DOCK2: variants seen among roughly 807,000 people sequenced by gnomAD.
The protein encoded by DOCK2 is dedicator of cytokinesis 2, also known as dedicator of cytokinesis protein 2.
DOCK2 carries 87 observed loss-of-function variants against 248.9 expected under a neutral mutation model. That is an observed-to-expected ratio of 0.35 (90% CI 0.29 to 0.42). The LOEUF is 0.42. DOCK2 is among the 10% of genes least tolerant of loss of function. The pLI, the probability that DOCK2 is intolerant of heterozygous loss-of-function variation, is 1.00. For synonymous variants in DOCK2, 805 were observed against 821.6 expected, an observed-to-expected ratio of 0.98 and a Z score of 0.35; for missense variants, 1,747 against 2,300.2, an observed-to-expected ratio of 0.76 and a Z score of 4.92.
chr5:170,059,694 A>G (rs1757261600), intron 44 of DOCK2, among the ~76,000 whole-genome samples: 1 of 152,248 alleles, frequency 6.6e-6, no homozygotes. Flanking sequence ...AAGTGCTAAG[A>G]ATAGTCCCTG....
chr5:169,839,040 G>T (rs370415776), intron 26 of DOCK2, among the ~76,000 whole-genome samples: 1 of 152,150 alleles, frequency 6.6e-6, no homozygotes, highest in African/African-American at 2.4e-5. Context: ...TAAGTTTAAT[G>T]CGGTAAAGCT....
rs1033406165 is a variant in DOCK2, at chr5:169,761,872, T to C, written c.2554+247T>C. 2.6e-5 allele frequency among the ~76,000 whole-genome samples: 4 copies of C among 152,214 alleles called. No individual in the cohort carries two copies. The East Asian group carries it at 7.7e-4, about 29-fold the overall frequency. On this transcript the variant is annotated intron_variant, in intron 25 of 51. Coordinates refer to ENST00000520908, the MANE Select transcript of DOCK2 (RefSeq NM_004946.3). ...CTCTTGAGAAAGTTTAATGAGGTTT[T>C]TTTTTCCCCCTGTATGGTTTATTAT...
intron 27 of DOCK2, among the ~76,000 whole-genome samples, chr5:169,977,890 A>G (rs1777772583): frequency 6.6e-6 from 1 of 152,190 alleles, no homozygotes; most frequent in Admixed American, 6.5e-5. Context: ...CCCACCACAC[A>G]GACAGCACCA....
At chr5:169,768,771 C>G (rs1051339716) in intron 25 of DOCK2, among the ~76,000 whole-genome samples, 2 of 152,228 alleles carry the variant, frequency 1.3e-5, no homozygotes, top group East Asian at 1.9e-4. Flanking sequence ...AGGATGTGCT[C>G]TAGCCTCATA....
At chr5:169,730,645 A>C (rs1407843814) in intron 22 of DOCK2, among the ~76,000 whole-genome samples, 2 of 152,118 alleles carry the variant, frequency 1.3e-5, no homozygotes, top group Admixed American at 1.3e-4. Flanking sequence ...TAGGACATAA[A>C]CTGTCCATTC....
chr5:169,876,031 C>G (rs1201150706), intron 27 of DOCK2, among the ~76,000 whole-genome samples: 2 of 152,212 alleles, frequency 1.3e-5, no homozygotes, highest in Non-Finnish European at 2.9e-5. Context: ...TCTGGAGGCT[C>G]TAGGAGAGAA....
rs1436533627 is a variant in DOCK2 at position 169,840,984 on chromosome 5, T to A, written c.2799+132T>A. 6 of 990,712 alleles carry A rather than the reference T, an allele frequency of 6.1e-6. No individual in the cohort carries two copies. In the East Asian group the frequency reaches 1.6e-4, roughly 26 times the overall value. 61.4% of individuals were successfully genotyped at this position (990,712 alleles called of 1,614,324 possible). A position where few individuals can be genotyped will look rare whatever the true frequency, so the allele number is the denominator to read the frequency against. Reference sequence around the variant, plus strand: ...TTGTTTTGGAGTAGGGTGACCAGATTTTTCCTGTCTGAGTTGGGAGGACTT... The same window carrying A: ...TTGTTTTGGAGTAGGGTGACCAGATATTTCCTGTCTGAGTTGGGAGGACTT... On this transcript the variant is annotated intron_variant, in intron 27 of 51. Transcript: ENST00000520908.
At position 169,654,348 on chromosome 5, in the gene DOCK2, A is replaced by G. The variant is rs1026741262; in HGVS notation, c.44-55A>G. 84 of 1,594,796 alleles carry G rather than the reference A, an allele frequency of 5.3e-5. No homozygotes were observed. The East Asian group carries it at 1.9e-3, about 36-fold the overall frequency. ...TGAGGCAGGGAAAGCAGGAAGGAGC[A>G]GAGACTAATGAGATCTAGAGGTCTC... On this transcript the variant is annotated intron_variant, in intron 1 of 51. Coordinates refer to ENST00000520908, the MANE Select transcript of DOCK2 (RefSeq NM_004946.3).
chr5:169,739,538 A>G (rs1763204350), intron 22 of DOCK2, among the ~76,000 whole-genome samples: 1 of 152,244 alleles, frequency 6.6e-6, no homozygotes, highest in African/African-American at 2.4e-5. Flanking sequence ...ATAAGTGTAT[A>G]TAATGGGCAT....
chr5:170,006,040 C>T (rs1755023371), intron 30 of DOCK2, among the ~76,000 whole-genome samples: 1 of 152,132 alleles, frequency 6.6e-6, no homozygotes, highest in Non-Finnish European at 1.5e-5. Flanking sequence ...CTTGCCCTGG[C>T]TTGTTGTTTC....
intron 27 of DOCK2, among the ~76,000 whole-genome samples, chr5:169,947,404 C>T (rs1450906143): frequency 6.6e-6 from 1 of 152,238 alleles, no homozygotes; most frequent in Non-Finnish European, 1.5e-5. Context: ...TGCATGCTTT[C>T]TCATCCATTA....
chr5:170,028,022 G>C, intron 34 of DOCK2, 74 bp downstream of exon 34: 1 of 1,345,224 alleles, frequency 7.4e-7, no homozygotes, highest in East Asian at 2.4e-5. Flanking sequence ...AACTCCAGGG[G>C]GCTCCGAGTG....
At chr5:169,849,930 G>C (rs1324873084) in intron 27 of DOCK2, among the ~76,000 whole-genome samples, 2 of 152,238 alleles carry the variant, frequency 1.3e-5, no homozygotes, top group Non-Finnish European at 2.9e-5. Flanking sequence ...ATGAACACCT[G>C]CTAAATGAAT....
intron 25 of DOCK2, among the ~76,000 whole-genome samples, chr5:169,785,023 T>G (rs2045207715): frequency 6.6e-6 from 1 of 152,214 alleles, no homozygotes; most frequent in Admixed American, 6.5e-5. Flanking sequence ...AGTTTCCTTC[T>G]TATTCATGTC....
chr5:170,023,322 A>G (rs530631797), intron 33 of DOCK2, among the ~76,000 whole-genome samples: 3 of 152,332 alleles, frequency 2.0e-5, no homozygotes, highest in African/African-American at 7.2e-5. Context: ...GGAGATAGCC[A>G]TGTTAGCAGA....
At chr5:169,849,007 T>C (rs964446461) in intron 27 of DOCK2, among the ~76,000 whole-genome samples, 7 of 151,866 alleles carry the variant, frequency 4.6e-5, no homozygotes, top group African/African-American at 1.7e-4. Context: ...AGAGACTGAG[T>C]CAAGGACTGC....
At chr5:169,641,154 G>C (rs938839280) in intron 1 of DOCK2, among the ~76,000 whole-genome samples, 1 of 152,316 alleles carries the variant, frequency 6.6e-6, no homozygotes, top group African/African-American at 2.4e-5. Context: ...AGTCATATTA[G>C]ATTAGGGCCC....
intron 33 of DOCK2, among the ~76,000 whole-genome samples, chr5:170,021,892 A>G (rs538144796): frequency 3.3e-5 from 5 of 152,226 alleles, no homozygotes; most frequent in Admixed American, 2.0e-4. Flanking sequence ...GTGAACCCCA[A>G]TACTGGGGTC....
At chr5:169,933,697 T>C (rs1259427787) in intron 27 of DOCK2, among the ~76,000 whole-genome samples, 1 of 152,154 alleles carries the variant, frequency 6.6e-6, no homozygotes, top group Non-Finnish European at 1.5e-5. Context: ...AGTACCTGTG[T>C]GTATCAGCCT....
Sources: allele counts gnomAD v4.1 joint callset (sites outside exome capture counted in the v4.1 genomes callset), GRCh38; gene constraint gnomAD v4.1.1; transcripts MANE v1.5; gene names NCBI Gene and HGNC (gene_info 2026-07-23, HGNC 2026-07-21).